ADGRV1: variants seen among roughly 807,000 people sequenced by gnomAD.
ADGRV1 encodes G-protein coupled receptor 98.
ADGRV1 carries 359 observed loss-of-function variants against 596.2 expected under a neutral mutation model. The observed-to-expected ratio is 0.60, with a 90% CI of 0.55 to 0.66. The LOEUF is 0.66. ADGRV1 is among the 30% of genes least tolerant of loss of function. ADGRV1 has a pLI of 0.00. For synonymous variants in ADGRV1, 2,681 were observed against 2,679.2 expected, an observed-to-expected ratio of 1.00 and a Z score of -0.02; for missense variants, 7,274 against 7,575.6, an observed-to-expected ratio of 0.96 and a Z score of 1.48.
chr5:90,769,164 A>G (rs1307775581), intron 59 of ADGRV1, among the ~76,000 whole-genome samples: 1 of 152,148 alleles, frequency 6.6e-6, no homozygotes, highest in African/African-American at 2.4e-5. Flanking sequence ...ATCTTAGTGA[A>G]CATCAGAGCA....
At chr5:90,938,769 A>T (rs916012085) in intron 83 of ADGRV1, among the ~76,000 whole-genome samples, 1 of 152,214 alleles carries the variant, frequency 6.6e-6, no homozygotes, top group South Asian at 2.1e-4. Context: ...AATCACTGAA[A>T]CACTGAAGAA....
At chr5:90,760,282 A>C (rs1456650539) in intron 58 of ADGRV1, among the ~76,000 whole-genome samples, 1 of 151,298 alleles carries the variant, frequency 6.6e-6, no homozygotes, top group Non-Finnish European at 1.5e-5. Flanking sequence ...TCTCAAAAAA[A>C]AAAAAAAAAA....
intron 86 of ADGRV1, among the ~76,000 whole-genome samples, chr5:91,098,402 G>C (rs1002025591): frequency 6.6e-6 from 1 of 152,022 alleles, no homozygotes; most frequent in Admixed American, 6.6e-5. Context: ...TTAAGTTTCA[G>C]GTCCTTTCAC....
intron 83 of ADGRV1, among the ~76,000 whole-genome samples, chr5:90,950,223 C>T (rs994992340): frequency 6.6e-6 from 1 of 152,076 alleles, no homozygotes; most frequent in African/African-American, 2.4e-5. Flanking sequence ...ATGTATATTG[C>T]TATATATCAA....
chr5:90,968,536 T>C (rs1778674203), intron 84 of ADGRV1, among the ~76,000 whole-genome samples: 1 of 152,222 alleles, frequency 6.6e-6, no homozygotes, highest in African/African-American at 2.4e-5. Context: ...TGAAGTTTAA[T>C]GTATTTCAGA....
intron 1 of ADGRV1, among the ~76,000 whole-genome samples, chr5:90,610,087 A>G (rs1762558077): frequency 6.6e-6 from 1 of 151,646 alleles, no homozygotes; most frequent in African/African-American, 2.4e-5. Context: ...AGACTCTTTG[A>G]CTCTTTCCTT....
At position 90,783,325 on chromosome 5, in the gene ADGRV1, G is replaced by T. The variant is rs989031135; in HGVS notation, c.13433G>T (p.Ser4478Ile). 3 of 1,597,654 alleles carry T rather than the reference G, an allele frequency of 1.9e-6. No homozygotes were observed. In the African/African-American group the frequency reaches 4.0e-5, roughly 21 times the overall value. Reference sequence around the variant, plus strand: ...ATCTCCATCATTGATGACAATGAAAGGTTGGTATATAGAAAATAATGTGGG... The same window carrying T: ...ATCTCCATCATTGATGACAATGAAATGTTGGTATATAGAAAATAATGTGGG... ...INISIIDDNE[S>I]EFEEPIEILL... is the part of the protein sequence containing the mutation. The change falls in exon 66 of 90, where the codon AGT (serine) becomes ATT (isoleucine). Residue 4478 changes from serine (S) to isoleucine (I), a missense_variant and splice_region_variant. Around this residue, in one of 5 missense-constraint regions of ADGRV1, gnomAD observed 3,643 missense variants for 3,809.2 expected, o/e 0.96. Coordinates refer to ENST00000405460, the MANE Select transcript of ADGRV1 (RefSeq NM_032119.4).
At chr5:90,613,508 A>G (rs1762964327) in intron 1 of ADGRV1, among the ~76,000 whole-genome samples, 1 of 152,044 alleles carries the variant, frequency 6.6e-6, no homozygotes, top group African/African-American at 2.4e-5. Flanking sequence ...AAGACAGGGA[A>G]GAGTTTGCAG....
chr5:90,888,387 A>G (rs952981808), intron 83 of ADGRV1, among the ~76,000 whole-genome samples: 1 of 152,140 alleles, frequency 6.6e-6, no homozygotes. Context: ...TTGCATCATT[A>G]GGACATAAAA....
At chr5:90,703,574 A>G in intron 34 of ADGRV1, 91 bp from the exon 35 acceptor site, 1 of 853,204 alleles carries the variant, frequency 1.2e-6, no homozygotes, top group Non-Finnish European at 1.8e-6. Flanking sequence ...GTGCTGTAAT[A>G]GTTGCATGCT....
At chr5:90,725,486 G>A (rs1436962031) in intron 47 of ADGRV1, 63 bp from the exon 48 acceptor site, 1 of 896,066 alleles carries the variant, frequency 1.1e-6, no homozygotes, top group Non-Finnish European at 1.9e-6. Context: ...TGCTATTAGT[G>A]TGTTCAGTGG....
At chr5:91,080,111 T>C (rs1192621808) in intron 86 of ADGRV1, among the ~76,000 whole-genome samples, 1 of 152,328 alleles carries the variant, frequency 6.6e-6, no homozygotes, top group East Asian at 1.9e-4. Flanking sequence ...TTTTGTAACA[T>C]ACATAGAATG....
chr5:90,659,808 G>A (rs1446159641), intron 21 of ADGRV1, among the ~76,000 whole-genome samples: 4 of 152,138 alleles, frequency 2.6e-5, no homozygotes, highest in Admixed American at 6.5e-5. Context: ...TGAGGCGGGC[G>A]GATCATGAGG....
chr5:90,983,534 A>G (rs1173188523), intron 84 of ADGRV1, among the ~76,000 whole-genome samples: 1 of 152,204 alleles, frequency 6.6e-6, no homozygotes, highest in Non-Finnish European at 1.5e-5. Flanking sequence ...TGTTTAGAAG[A>G]TGGATTAATC....
chr5:90,841,739 A>G (rs1398576766), intron 78 of ADGRV1, among the ~76,000 whole-genome samples: 1 of 152,258 alleles, frequency 6.6e-6, no homozygotes, highest in Non-Finnish European at 1.5e-5. Context: ...GTACATACCC[A>G]TGAATGTATA....
chr5:91,107,063 T>G (rs1791941279), intron 87 of ADGRV1, among the ~76,000 whole-genome samples: 1 of 152,192 alleles, frequency 6.6e-6, no homozygotes, highest in African/African-American at 2.4e-5. Context: ...GGGGAGCTTG[T>G]TAAAACACAG....
intron 50 of ADGRV1, among the ~76,000 whole-genome samples, chr5:90,740,835 A>C (rs1192888259): frequency 6.6e-6 from 1 of 152,022 alleles, no homozygotes; most frequent in Non-Finnish European, 1.5e-5. Context: ...GTTCCCGGGG[A>C]ATCTCTTGTG....
intron 43 of ADGRV1, among the ~76,000 whole-genome samples, 160 bp from the exon 44 acceptor site, chr5:90,719,888 G>A (rs1750688503): frequency 6.6e-6 from 1 of 152,202 alleles, no homozygotes; most frequent in South Asian, 2.1e-4. Context: ...ACCTGAAACA[G>A]ATGTAACCAT....
At chr5:90,927,918 T>G (rs1774693657) in intron 83 of ADGRV1, among the ~76,000 whole-genome samples, 1 of 152,226 alleles carries the variant, frequency 6.6e-6, no homozygotes, top group African/African-American at 2.4e-5. Flanking sequence ...TATGAAATTC[T>G]GGGTTGAAAA....
Sources: allele counts gnomAD v4.1 joint callset (sites outside exome capture counted in the v4.1 genomes callset), GRCh38; gene constraint gnomAD v4.1.1; regional missense constraint gnomAD v4.1.1; transcripts MANE v1.5; gene names NCBI Gene and HGNC (gene_info 2026-07-23, HGNC 2026-07-21).